The following PTPRT variants were observed in gnomAD, a reference collection of about 807,000 sequenced individuals.
PTPRT encodes the protein protein tyrosine phosphatase receptor type T, also known as receptor-type tyrosine-protein phosphatase T.
A neutral mutation model predicts 176.8 loss-of-function variants in PTPRT; 56 were observed. That is an observed-to-expected ratio of 0.32 (90% CI 0.26 to 0.40). The LOEUF (loss-of-function observed/expected upper bound fraction) is 0.40. Ranked by LOEUF, PTPRT falls within the 10% of genes least tolerant of loss-of-function variation. The pLI, the probability that PTPRT is intolerant of heterozygous loss-of-function variation, is 1.00. For synonymous variants in PTPRT, 783 were observed against 739.0 expected, an observed-to-expected ratio of 1.06 and a Z score of -0.96; for missense variants, 1,540 against 1,908.2, an observed-to-expected ratio of 0.81 and a Z score of 3.60.
At chr20:42,213,345 A>C (rs931066787) in intron 15 of PTPRT, among the ~76,000 whole-genome samples, 1 of 100,300 alleles carries the variant, frequency 1.0e-5, no homozygotes, top group Non-Finnish European at 2.5e-5. Context: ...AGATCTCCAG[A>C]TATCTCATTG....
intron 1 of PTPRT, among the ~76,000 whole-genome samples, chr20:43,052,477 T>C (rs556824172): frequency 6.6e-6 from 1 of 152,360 alleles, no homozygotes; most frequent in South Asian, 2.1e-4. Flanking sequence ...CAGGGAGCTT[T>C]CAATCTTGTT....
chr20:42,550,467 G>C (rs886096058), intron 7 of PTPRT, among the ~76,000 whole-genome samples: 4 of 151,886 alleles, frequency 2.6e-5, no homozygotes, highest in Admixed American at 1.3e-4. Flanking sequence ...TTTTAGTTGA[G>C]TTTCTATCAG....
rs1188206342 is a variant in PTPRT at position 42,798,470 on chromosome 20, T to C, written c.215-7004A>G. ...ATCAAGCCAATTGCAAACATAACAATAGACCAATAGCCATACCAATAAACA... is the reference window on the plus strand; with the variant it reads ...ATCAAGCCAATTGCAAACATAACAACAGACCAATAGCCATACCAATAAACA... On this transcript the variant is annotated intron_variant, in intron 2 of 30. Transcript: ENST00000373187. Among the ~76,000 whole-genome samples the C allele has an allele frequency of 4.6e-5, 7 of 152,230 alleles. No individual in the cohort carries two copies. The East Asian group carries it at 5.8e-4, about 13-fold the overall frequency.
chr20:42,377,577 C>T (rs895610817), intron 9 of PTPRT, among the ~76,000 whole-genome samples: 13 of 152,178 alleles, frequency 8.5e-5, no homozygotes, highest in African/African-American at 2.4e-4. Context: ...CATGGTGTAA[C>T]GAGGTTCTAA....
chr20:42,756,474 GCT>G lies in PTPRT; in HGVS notation c.845_846del (p.Glu282AlafsTer64). The G allele has an allele frequency of 6.3e-7, 1 of 1,577,476 alleles. No individual in the cohort carries two copies. The highest frequency in any genetic ancestry group is 8.6e-7 in the Non-Finnish European group (1 of 1,158,190). ...TGGAGGCACTCACCTTTCACGATCA[GCT>G]CCGCGTAGTTGGACACACCAGACCC... Reference protein sequence around the residue: ...DGGSGVSNYAELIVKEPPTPI... With the variant: ...DGGSGVSNYAXLIVKEPPTPI... On this transcript the variant is annotated frameshift_variant, in exon 6 of 31. Coordinates refer to ENST00000373187, the MANE Select transcript of PTPRT (RefSeq NM_007050.6). LOFTEE classifies it high-confidence loss of function.
intron 1 of PTPRT, among the ~76,000 whole-genome samples, chr20:43,038,393 G>A (rs866621772): frequency 6.6e-6 from 1 of 151,996 alleles, no homozygotes; most frequent in African/African-American, 2.4e-5. Context: ...AAAAATAATA[G>A]GTCAATTGAG....
At chr20:42,428,730 G>A (rs1444440881) in intron 9 of PTPRT, among the ~76,000 whole-genome samples, 2 of 152,022 alleles carry the variant, frequency 1.3e-5, no homozygotes, top group Admixed American at 1.3e-4. Flanking sequence ...TTGTGGGCAT[G>A]AAACTCAACT....
chr20:42,817,274 C>T (rs761648049), intron 2 of PTPRT, among the ~76,000 whole-genome samples: 6 of 151,220 alleles, frequency 4.0e-5, no homozygotes, highest in South Asian at 4.2e-4. Flanking sequence ...CCTGTGAGGG[C>T]GGGATCTGAA....
chr20:42,577,420 G>A (rs1455937596), intron 7 of PTPRT, among the ~76,000 whole-genome samples: 1 of 152,170 alleles, frequency 6.6e-6, no homozygotes, highest in Non-Finnish European at 1.5e-5. Flanking sequence ...CAAGGGAGGG[G>A]CTAAGGGGAC....
intron 9 of PTPRT, among the ~76,000 whole-genome samples, chr20:42,403,021 C>T (rs575754775): frequency 1.2e-4 from 19 of 152,104 alleles, no homozygotes; most frequent in South Asian, 2.1e-4. Flanking sequence ...GCAATACTTA[C>T]GGTAGAGAAT....
intron 1 of PTPRT, among the ~76,000 whole-genome samples, chr20:42,928,775 G>A (rs372858536): frequency 5.0e-4 from 76 of 152,206 alleles, no homozygotes; most frequent in African/African-American, 1.6e-3. Context: ...GGTGAGAAAC[G>A]TCCCTCCCTT....
In PTPRT at chr20:42,789,940, G is replaced by A. The variant is rs1424062852; in HGVS notation, c.486+1255C>T. The stretch of plus-strand genomic sequence containing the variant: ...TACCATGGATATTAACTTGGAGAAT[G>A]TCTAAGAAGCCCCCAGCCACCGGTT... On this transcript the variant is annotated intron_variant, in intron 3 of 30. Transcript: ENST00000373187. Among the ~76,000 whole-genome samples, 6 of 152,264 alleles carry A rather than the reference G, an allele frequency of 3.9e-5. No individual in the cohort carries two copies. The East Asian group carries it at 1.2e-3, about 29-fold the overall frequency.
At chr20:42,302,736 A>C (rs1311304818) in intron 12 of PTPRT, among the ~76,000 whole-genome samples, 2 of 152,184 alleles carry the variant, frequency 1.3e-5, no homozygotes, top group Admixed American at 1.3e-4. Flanking sequence ...ATAATAAATA[A>C]TTGGTGGGTT....
intron 12 of PTPRT, among the ~76,000 whole-genome samples, chr20:42,291,803 G>A (rs2057320912): frequency 6.6e-6 from 1 of 152,120 alleles, no homozygotes; most frequent in Non-Finnish European, 1.5e-5. Flanking sequence ...AGCGACATAA[G>A]ACCAGGAGAC....
At chr20:42,706,179 T>TTGTG (rs369232610) in intron 6 of PTPRT, among the ~76,000 whole-genome samples, 3,340 of 123,454 alleles carry the variant, frequency 0.027, 54 homozygotes, top group East Asian at 0.068. Context: ...CTCTCTCTGT[T>TTGTG]TGTGTGTGTG....
intron 1 of PTPRT, among the ~76,000 whole-genome samples, chr20:43,092,213 C>T (rs148170149): frequency 2.6e-5 from 4 of 152,310 alleles, no homozygotes; most frequent in African/African-American, 9.6e-5. Context: ...TGGATCCCCA[C>T]AGGGGACAAA....
chr20:43,000,593 C>A (rs761953743), intron 1 of PTPRT, among the ~76,000 whole-genome samples: 1 of 151,842 alleles, frequency 6.6e-6, no homozygotes, highest in Non-Finnish European at 1.5e-5. Flanking sequence ...CTGCAGAATG[C>A]AAAATAACAT....
At chr20:42,550,129 TTTGTGAA>T (rs2072742175) in intron 7 of PTPRT, among the ~76,000 whole-genome samples, 1 of 152,124 alleles carries the variant, frequency 6.6e-6, no homozygotes, top group Admixed American at 6.5e-5. Flanking sequence ...GCCCCTTGCT[TTTGTGAA>T]TTGTCACTCT....
At chr20:42,726,062 T>C (rs2076375122) in intron 6 of PTPRT, among the ~76,000 whole-genome samples, 1 of 116,070 alleles carries the variant, frequency 8.6e-6, no homozygotes, top group Non-Finnish European at 1.8e-5. Context: ...GCATCTTTAT[T>C]ATTATTATTA....
Sources: allele counts gnomAD v4.1 joint callset (sites outside exome capture counted in the v4.1 genomes callset), GRCh38; gene constraint gnomAD v4.1.1; transcripts MANE v1.5; gene names NCBI Gene and HGNC (gene_info 2026-07-23, HGNC 2026-07-21).